The following SCML4 variants were observed in gnomAD, a reference collection of about 807,000 sequenced individuals.
The protein encoded by SCML4 is sex comb on midleg-like protein 4.
Under a neutral mutation model 41.1 loss-of-function variants are expected in SCML4, and 34 were observed. The observed-to-expected ratio is 0.83, with a 90% CI of 0.63 to 1.10. The LOEUF (loss-of-function observed/expected upper bound fraction) is 1.10, where lower values mean the gene tolerates loss of function less well. Among genes scored for constraint, SCML4 ranks in the 50% least tolerant of loss-of-function variants. The pLI is 0.00. For synonymous variants in SCML4, 214 were observed against 220.9 expected, an observed-to-expected ratio of 0.97 and a Z score of 0.28; for missense variants, 522 against 534.1, an observed-to-expected ratio of 0.98 and a Z score of 0.22.
the SCML4 span, among the ~76,000 whole-genome samples, chr6:107,843,924 T>C: frequency 1.1e-5 from 1 of 90,616 alleles, no homozygotes; most frequent in African/African-American, 3.0e-5. Flanking sequence ...TCTCCACCAC[T>C]GAGAGGAAGA....
chr6:107,810,175 T>C (rs1344955869), intron 1 of SCML4, among the ~76,000 whole-genome samples: 2 of 151,968 alleles, frequency 1.3e-5, no homozygotes, highest in Non-Finnish European at 2.9e-5. Context: ...GGCTATTAGG[T>C]AAGAAGTCCA....
the SCML4 span, among the ~76,000 whole-genome samples, chr6:107,831,200 A>G: frequency 5.9e-5 from 9 of 152,124 alleles, no homozygotes; most frequent in African/African-American, 2.2e-4. Flanking sequence ...GAGACTCTAC[A>G]TTTTTTAAAG....
At chr6:107,734,795 A>C (rs529998451) in intron 5 of SCML4, among the ~76,000 whole-genome samples, 2 of 152,184 alleles carry the variant, frequency 1.3e-5, no homozygotes, top group Non-Finnish European at 2.9e-5. Flanking sequence ...TATGGCCCTA[A>C]GTGTCAGGAA....
chr6:107,812,581 G>A (rs1054943788), intron 1 of SCML4, among the ~76,000 whole-genome samples: 4 of 152,202 alleles, frequency 2.6e-5, no homozygotes, highest in Non-Finnish European at 2.9e-5. Context: ...CAACCCACAC[G>A]TGGGGGGACT....
intron 6 of SCML4, chr6:107,720,048 G>C (rs764637304): frequency 4.1e-6 from 4 of 985,406 alleles, no homozygotes; most frequent in Middle Eastern, 5.2e-4. Flanking sequence ...ACCAGCATTG[G>C]GGGAATTTTG....
intron 6 of SCML4, among the ~76,000 whole-genome samples, chr6:107,713,628 C>T (rs1774452000): frequency 6.6e-6 from 1 of 152,230 alleles, no homozygotes; most frequent in Non-Finnish European, 1.5e-5. Flanking sequence ...GAGAATGTGT[C>T]TCAGGGCTGG....
intron 6 of SCML4, among the ~76,000 whole-genome samples, chr6:107,713,529 G>A (rs1774440352): frequency 6.6e-6 from 1 of 152,116 alleles, no homozygotes; most frequent in Admixed American, 6.5e-5. Context: ...GTCCCTCCTG[G>A]GCTCTGATCA....
intron 1 of SCML4, among the ~76,000 whole-genome samples, chr6:107,807,279 C>G (rs2114257208): frequency 6.6e-6 from 1 of 152,282 alleles, no homozygotes; most frequent in African/African-American, 2.4e-5. Context: ...AGCAAGGGCT[C>G]TGGGCACTGA....
chr6:107,770,086 C>G (rs1461582286), intron 2 of SCML4, among the ~76,000 whole-genome samples: 2 of 152,040 alleles, frequency 1.3e-5, no homozygotes, highest in Admixed American at 6.6e-5. Context: ...AATTTCTGAG[C>G]TGGCTTCTTC....
chr6:107,771,941 A>G (rs78238897), intron 2 of SCML4, among the ~76,000 whole-genome samples: 6,030 of 152,250 alleles, frequency 0.04, 410 homozygotes, highest in African/African-American at 0.14. Context: ...AACTTTCCCC[A>G]TCTGGTGTAA....
chr6:107,736,757 A>T (rs1777108798), intron 5 of SCML4, among the ~76,000 whole-genome samples: 1 of 152,194 alleles, frequency 6.6e-6, no homozygotes, highest in Non-Finnish European at 1.5e-5. Flanking sequence ...TCATTTCTCA[A>T]TGCTGAGTGT....
intron 1 of SCML4, among the ~76,000 whole-genome samples, chr6:107,784,630 A>G (rs1431144507): frequency 6.6e-6 from 1 of 152,186 alleles, no homozygotes. Context: ...ACTCTTTTTT[A>G]CCATTTGAAT....
intron 6 of SCML4, among the ~76,000 whole-genome samples, chr6:107,718,213 G>A (rs941918772): frequency 6.6e-6 from 1 of 152,228 alleles, no homozygotes; most frequent in Non-Finnish European, 1.5e-5. Flanking sequence ...GCCAGTTGGA[G>A]ATAATTGAAT....
intron 2 of SCML4, among the ~76,000 whole-genome samples, chr6:107,761,126 A>G (rs142833308): frequency 6.6e-6 from 1 of 152,198 alleles, no homozygotes; most frequent in Non-Finnish European, 1.5e-5. Context: ...AGTTTGAAAC[A>G]TAAGAGTTTC....
At chr6:107,716,552 TG>T (rs1774820069) in intron 6 of SCML4, among the ~76,000 whole-genome samples, 3 of 152,114 alleles carry the variant, frequency 2.0e-5, no homozygotes, top group Admixed American at 2.0e-4. Flanking sequence ...TTGCCAGGGC[TG>T]TGGGGGGTTC....
chr6:107,707,828 C>T (rs1007831516), intron 7 of SCML4, 38 bp downstream of exon 7: 29 of 1,551,460 alleles, frequency 1.9e-5, no homozygotes, highest in Non-Finnish European at 2.5e-5. Context: ...TGCCTGCTCC[C>T]TCAATCCCCC....
At chr6:107,788,326 CA>C (rs1782059756) in intron 1 of SCML4, among the ~76,000 whole-genome samples, 1 of 152,288 alleles carries the variant, frequency 6.6e-6, no homozygotes, top group East Asian at 1.9e-4. Flanking sequence ...GCCATGTCAC[CA>C]GGCTGCCATA....
chr6:107,744,555 T>C (rs1231786530), intron 5 of SCML4, among the ~76,000 whole-genome samples: 3 of 152,210 alleles, frequency 2.0e-5, no homozygotes, highest in Non-Finnish European at 4.4e-5. Context: ...TCTAGTTTCT[T>C]TGGGATGAGT....
At chr6:107,831,211 T>C in the SCML4 span, among the ~76,000 whole-genome samples, 1 of 151,942 alleles carries the variant, frequency 6.6e-6, no homozygotes, top group African/African-American at 2.4e-5. Context: ...TTTTTTAAAG[T>C]TCATGTAGAA....
Sources: gnomAD v4.1 joint callset for allele counts (sites outside exome capture counted in the v4.1 genomes callset) on GRCh38, gnomAD v4.1.1 for gene constraint, MANE v1.5 for transcripts, NCBI Gene and HGNC (gene_info 2026-07-23, HGNC 2026-07-21) for gene names.